The following TMEM132D variants were observed in gnomAD, a reference collection of about 807,000 sequenced individuals.
TMEM132D encodes the protein mature OL transmembrane protein.
Under a neutral mutation model 62.3 loss-of-function variants are expected in TMEM132D, and 21 were observed. The ratio of observed to expected loss-of-function variants is 0.34; its 90% CI spans 0.24 to 0.49. The LOEUF (loss-of-function observed/expected upper bound fraction) is 0.49, where lower values mean the gene tolerates loss of function less well. Among genes scored for constraint, TMEM132D ranks in the 20% least tolerant of loss-of-function variants. The pLI is 0.99. For synonymous variants in TMEM132D, 621 were observed against 575.6 expected (o/e 1.08, Z -1.13); for missense variants, 1,346 against 1,402.8 (o/e 0.96, Z 0.65).
chr12:129,838,406 T>C (rs1365983717), intron 1 of TMEM132D, among the ~76,000 whole-genome samples: 1 of 152,212 alleles, frequency 6.6e-6, no homozygotes, highest in African/African-American at 2.4e-5. Flanking sequence ...GACAAAACAT[T>C]TATAAAACTT....
intron 4 of TMEM132D, among the ~76,000 whole-genome samples, chr12:129,323,372 G>C (rs1338728124): frequency 1.3e-5 from 2 of 151,766 alleles, no homozygotes; most frequent in East Asian, 3.9e-4. Context: ...TAGCCTTGGG[G>C]ATTAACACCA....
At chr12:129,204,619 A>G (rs1435808518) in intron 5 of TMEM132D, among the ~76,000 whole-genome samples, 1 of 152,248 alleles carries the variant, frequency 6.6e-6, no homozygotes, top group Non-Finnish European at 1.5e-5. Context: ...GATATCACCC[A>G]TGAAAACTTC....
intron 3 of TMEM132D, among the ~76,000 whole-genome samples, chr12:129,386,748 C>G (rs185870962): frequency 6.0e-5 from 9 of 151,046 alleles, no homozygotes; most frequent in African/African-American, 1.7e-4. Flanking sequence ...AATGCTAACA[C>G]TATCACTAAT....
At chr12:129,314,934 G>C (rs1868435529) in intron 4 of TMEM132D, among the ~76,000 whole-genome samples, 1 of 151,950 alleles carries the variant, frequency 6.6e-6, no homozygotes. Flanking sequence ...TTCTTGATTT[G>C]ATTCTCCACT....
intron 1 of TMEM132D, among the ~76,000 whole-genome samples, chr12:129,719,107 A>G (rs145846684): frequency 0.034 from 5,191 of 151,456 alleles, 142 homozygotes; most frequent in Non-Finnish European, 0.049. Flanking sequence ...AAAGAAAAAA[A>G]GCTGGGTGTA....
rs145980629 is a variant in TMEM132D at position 129,119,665 on chromosome 12, C to T, written c.1444-34963G>A. On this transcript the variant is annotated intron_variant, in intron 5 of 8. Transcript: ENST00000422113. ...CTAACTAGAGCTACAAACAAGACTA[C>T]ACAGGGTTAGTGTAGTTTCTTCATC... Among the ~76,000 whole-genome samples, 150 of 152,310 alleles carry T rather than the reference C, an allele frequency of 9.8e-4. 1 individual carries two copies. Among genetic ancestry groups the T allele is most frequent in the African/African-American group, 3.4e-3 (142 of 41,552 alleles).
chr12:129,897,977 G>C (rs904584270), intron 1 of TMEM132D, among the ~76,000 whole-genome samples: 4 of 152,172 alleles, frequency 2.6e-5, no homozygotes, highest in African/African-American at 4.8e-5. Context: ...GACTCTGCCT[G>C]TCTTTTATGT....
intron 5 of TMEM132D, among the ~76,000 whole-genome samples, chr12:129,162,473 A>C (rs1371852135): frequency 6.6e-6 from 1 of 152,200 alleles, no homozygotes; most frequent in Non-Finnish European, 1.5e-5. Flanking sequence ...TAAAGTGAGC[A>C]TTAATATTAG....
intron 1 of TMEM132D, among the ~76,000 whole-genome samples, chr12:129,895,963 C>CTCT (rs1331937914): frequency 2.0e-5 from 2 of 97,832 alleles, no homozygotes; most frequent in East Asian, 3.2e-4. Flanking sequence ...CTCTGTCTCT[C>CTCT]TTTTTTTTTT....
At chr12:129,491,768 C>T (rs1270179427) in intron 3 of TMEM132D, among the ~76,000 whole-genome samples, 3 of 152,094 alleles carry the variant, frequency 2.0e-5, no homozygotes, top group African/African-American at 4.8e-5. Context: ...ATGGCAAAAC[C>T]CTGTCTCTAC....
intron 2 of TMEM132D, among the ~76,000 whole-genome samples, chr12:129,576,336 G>T (rs1321164402): frequency 4.0e-5 from 6 of 151,754 alleles, no homozygotes; most frequent in Non-Finnish European, 8.8e-5. Flanking sequence ...AATTAAAATA[G>T]ATTCACAGAA....
intron 1 of TMEM132D, among the ~76,000 whole-genome samples, chr12:129,703,417 T>C (rs1369742649): frequency 6.6e-6 from 1 of 152,150 alleles, no homozygotes; most frequent in African/African-American, 2.4e-5. Context: ...TAAATGTTTA[T>C]TGCTTAAAAT....
At chr12:129,086,398 T>C (rs1874623721) in intron 5 of TMEM132D, among the ~76,000 whole-genome samples, 1 of 152,162 alleles carries the variant, frequency 6.6e-6, no homozygotes, top group Non-Finnish European at 1.5e-5. Context: ...AACCTCCCCC[T>C]AACCTCCAAC....
chr12:129,786,307 G>A (rs942045527), intron 1 of TMEM132D, among the ~76,000 whole-genome samples: 2 of 152,118 alleles, frequency 1.3e-5, no homozygotes, highest in African/African-American at 2.4e-5. Context: ...AGGCTCCAAC[G>A]AGACCCTGTA....
chr12:129,460,215 T>C (rs1178822634), intron 3 of TMEM132D, among the ~76,000 whole-genome samples: 1 of 152,184 alleles, frequency 6.6e-6, no homozygotes, highest in Non-Finnish European at 1.5e-5. Context: ...GATGCCCTTC[T>C]CTGTGTTCCC....
At chr12:129,596,070 T>C (rs878970322) in intron 2 of TMEM132D, among the ~76,000 whole-genome samples, 8 of 152,330 alleles carry the variant, frequency 5.3e-5, no homozygotes, top group Admixed American at 1.3e-4. Context: ...GAGAAGCTCA[T>C]TAAATGTGTG....
intron 2 of TMEM132D, among the ~76,000 whole-genome samples, chr12:129,664,666 C>A (rs1397794378): frequency 6.6e-6 from 1 of 152,016 alleles, no homozygotes; most frequent in Non-Finnish European, 1.5e-5. Flanking sequence ...AACTCATGAT[C>A]TGCCTGTCTC....
At chr12:129,895,732 T>G (rs901791592) in intron 1 of TMEM132D, among the ~76,000 whole-genome samples, 6 of 152,176 alleles carry the variant, frequency 3.9e-5, no homozygotes, top group Admixed American at 6.5e-5. Context: ...ATTTTTAATT[T>G]GTCATTGGAG....
intron 4 of TMEM132D, among the ~76,000 whole-genome samples, chr12:129,222,985 A>G (rs986541956): frequency 5.9e-5 from 9 of 152,174 alleles, no homozygotes; most frequent in African/African-American, 1.7e-4. Context: ...CAATGTATAT[A>G]TGTATCAAGA....
Sources: gnomAD v4.1 joint callset for allele counts (sites outside exome capture counted in the v4.1 genomes callset) on GRCh38, gnomAD v4.1.1 for gene constraint, MANE v1.5 for transcripts, NCBI Gene and HGNC (gene_info 2026-07-23, HGNC 2026-07-21) for gene names.